Variants in NUDT4 observed in about 807,000 individuals in gnomAD.
NUDT4 encodes nudix hydrolase 4, also known as diphosphoinositol polyphosphate phosphohydrolase 2.
A neutral mutation model predicts 23.1 loss-of-function variants in NUDT4; 5 were observed. That is an observed-to-expected ratio of 0.22 (90% CI 0.11 to 0.46). The LOEUF (loss-of-function observed/expected upper bound fraction) is 0.46. Ranked by LOEUF, NUDT4 falls within the 20% of genes least tolerant of loss-of-function variation. NUDT4 has a pLI of 0.99. For synonymous variants in NUDT4, 50 were observed against 79.0 expected (o/e 0.63, Z 1.95); for missense variants, 96 against 211.6 (o/e 0.45, Z 3.39).
intron 1 of NUDT4, among the ~76,000 whole-genome samples, chr12:93,385,941 TTATATA>T (rs371683658): frequency 0.11 from 11,621 of 104,566 alleles, 753 homozygotes; most frequent in African/African-American, 0.14. Context: ...GTAAATCTTT[TTATATA>T]TATATATATA....
At chr12:93,391,077 T>G (rs1876462691) in intron 1 of NUDT4, among the ~76,000 whole-genome samples, 1 of 151,998 alleles carries the variant, frequency 6.6e-6, no homozygotes, top group South Asian at 2.1e-4. Flanking sequence ...TGAGAACTCT[T>G]AAAGGCCAGC....
chr12:93,392,822 G>A (rs1423266917), intron 1 of NUDT4, among the ~76,000 whole-genome samples: 1 of 130,264 alleles, frequency 7.7e-6, no homozygotes, highest in Non-Finnish European at 1.6e-5. Flanking sequence ...GGGATTACAG[G>A]CATGCACCAC....
intron 1 of NUDT4, among the ~76,000 whole-genome samples, chr12:93,393,784 AATC>A (rs2120939561): frequency 6.6e-6 from 1 of 152,322 alleles, no homozygotes; most frequent in Non-Finnish European, 1.5e-5. Context: ...CTTGCCACCT[AATC>A]ATAACAGTAA....
chr12:93,399,086 A>T (rs1480646900), intron 4 of NUDT4, 91 bp from the exon 5 acceptor site: 1 of 897,494 alleles, frequency 1.1e-6, no homozygotes, highest in Non-Finnish European at 1.8e-6. Flanking sequence ...ATTGTTGTCT[A>T]AGTCATTTAT....
At chr12:93,379,826 A>G (rs1446822295) in intron 1 of NUDT4, among the ~76,000 whole-genome samples, 2 of 152,244 alleles carry the variant, frequency 1.3e-5, no homozygotes, top group African/African-American at 4.8e-5. Context: ...GAAAGGGGCC[A>G]TGTTGAGGCA....
In NUDT4 at chr12:93,405,612, GA is replaced by G. The variant is rs1460592287; in HGVS notation, c.*6234del. The G allele has an allele frequency of 2.6e-5, 4 of 152,210 alleles. No individual in the cohort carries two copies. Among genetic ancestry groups the G allele is most frequent in the African/African-American group, 4.8e-5 (2 of 41,438 alleles). 9.4% of individuals were successfully genotyped at this position (152,210 alleles called of 1,614,324 possible). ...TAAAGCCAACTCTTGGAATATACCT[GA>G]CTTCCACGATAAAATGGAGATGAGT... is the stretch of plus-strand genomic sequence containing the variant. On this transcript the variant is annotated 3_prime_UTR_variant, in exon 5 of 5. Transcript: ENST00000415493.
intron 1 of NUDT4, among the ~76,000 whole-genome samples, chr12:93,390,171 T>G (rs976046180): frequency 2.6e-5 from 4 of 152,198 alleles, no homozygotes; most frequent in Non-Finnish European, 5.9e-5. Flanking sequence ...TTATGTCCCA[T>G]TATTAACGTA....
chr12:93,388,764 A>T (rs1027463982), intron 1 of NUDT4, among the ~76,000 whole-genome samples: 7 of 152,250 alleles, frequency 4.6e-5, no homozygotes, highest in African/African-American at 1.4e-4. Context: ...TCTGAAAAGG[A>T]TATACCATTA....
chr12:93,393,422 A>C (rs1876704457), intron 1 of NUDT4, among the ~76,000 whole-genome samples: 1 of 152,062 alleles, frequency 6.6e-6, no homozygotes. Flanking sequence ...TCTTAATGCT[A>C]TTCTTGGTAA....
At chr12:93,385,914 T>TTATA (rs71952346) in intron 1 of NUDT4, among the ~76,000 whole-genome samples, 5 of 131,702 alleles carry the variant, frequency 3.8e-5, no homozygotes, top group South Asian at 2.4e-4. Flanking sequence ...TGTATAGATT[T>TTATA]TATATATATA....
At position 93,378,299 on chromosome 12, in the gene NUDT4, C is replaced by G. The variant is rs370319394; in HGVS notation, c.-24C>G. On this transcript the variant is annotated 5_prime_UTR_variant, in exon 1 of 5. Coordinates refer to ENST00000415493, the MANE Select transcript of NUDT4 (RefSeq NM_019094.6). Reference sequence around the variant, plus strand: ...CCCACGGCGGCGGCCGGAGCAGCAGCAGCAGCAGCAGGAGCCCGCCTCTAT... The same window carrying G: ...CCCACGGCGGCGGCCGGAGCAGCAGGAGCAGCAGCAGGAGCCCGCCTCTAT... The G allele has an allele frequency of 1.2e-3, 1,420 of 1,147,970 alleles. 1 individual carries two copies. The African/African-American group carries it at 0.02, about 16-fold the overall frequency. The allele number at this position is 1,147,970 out of a possible 1,614,324, so 71.1% of individuals were successfully genotyped here. A position where few individuals can be genotyped will look rare whatever the true frequency, so the allele number is the denominator to read the frequency against.
intron 1 of NUDT4, among the ~76,000 whole-genome samples, chr12:93,379,393 A>C (rs751462163): frequency 3.3e-5 from 5 of 152,210 alleles, no homozygotes; most frequent in Non-Finnish European, 7.3e-5. Context: ...TAACATTCTG[A>C]GTTCTGCTTT....
At chr12:93,396,574 A>C (rs1353926710) in intron 3 of NUDT4, among the ~76,000 whole-genome samples, 4 of 152,176 alleles carry the variant, frequency 2.6e-5, no homozygotes, top group Admixed American at 2.6e-4. Context: ...CCGATTTTGT[A>C]GCACTTGGTA....
At chr12:93,394,795 C>T (rs931818074) in intron 2 of NUDT4, 76 bp downstream of exon 2, 31 of 842,742 alleles carry the variant, frequency 3.7e-5, no homozygotes, top group Non-Finnish European at 6.0e-5. Context: ...ACTAAGACAG[C>T]GAGACGGGTC....
chr12:93,392,342 G>A (rs1453621377), intron 1 of NUDT4, among the ~76,000 whole-genome samples: 2 of 139,656 alleles, frequency 1.4e-5, no homozygotes, highest in African/African-American at 5.4e-5. Context: ...TGCAACCTCC[G>A]CCTCCCAGGT....
chr12:93,377,973 T>C lies in NUDT4; in HGVS notation c.-350T>C, dbSNP rs1240937097. ...GTGGGAGCGGGTCTTCGCAACTGTC[T>C]CCGCGTGGCGCGCGCCTCTAGCCGC... On this transcript the variant is annotated 5_prime_UTR_variant, in exon 1 of 5. Coordinates refer to ENST00000415493, the MANE Select transcript of NUDT4 (RefSeq NM_019094.6). 1 of 239,686 alleles carries C rather than the reference T, an allele frequency of 4.2e-6. No homozygotes were observed. Among genetic ancestry groups the C allele is most frequent in the Non-Finnish European group, 8.3e-6 (1 of 120,322 alleles). The allele number at this position is 239,686 out of a possible 1,614,324, so 14.8% of individuals were successfully genotyped here. A position where few individuals can be genotyped will look rare whatever the true frequency, so the allele number is the denominator to read the frequency against.
chr12:93,378,468 A>G (rs1875370141), intron 1 of NUDT4, 47 bp downstream of exon 1: 2 of 1,493,426 alleles, frequency 1.3e-6, no homozygotes, highest in Non-Finnish European at 9.0e-7. Context: ...GCCGGGGTCT[A>G]GGGCCCGGGT....
At chr12:93,398,474 GC>G (rs1160037553) in intron 3 of NUDT4, among the ~76,000 whole-genome samples, 1 of 152,108 alleles carries the variant, frequency 6.6e-6, no homozygotes, top group Admixed American at 6.6e-5. Flanking sequence ...TCCCTTGAGG[GC>G]AGGAGTGGAC....
chr12:93,402,745 GCTCTTGACTTA>G lies in NUDT4; in HGVS notation c.*3371_*3381del, dbSNP rs1435689696. The G allele has an allele frequency of 6.6e-6, 1 of 152,068 alleles. No homozygotes were observed. The highest frequency in any genetic ancestry group is 1.5e-5 in the Non-Finnish European group (1 of 68,014). The allele number at this position is 152,068 out of a possible 1,614,324, so 9.4% of individuals were successfully genotyped here. A position where few individuals can be genotyped will look rare whatever the true frequency, so the allele number is the denominator to read the frequency against. On this transcript the variant is annotated 3_prime_UTR_variant, in exon 5 of 5. Transcript: ENST00000415493. The stretch of plus-strand genomic sequence containing the variant: ...TGTGTCATTATTTTAATGAATGTGA[GCTCTTGACTTA>G]CTCTAGAATTCTAATACAGATACTT...
Sources: gnomAD v4.1 joint callset for allele counts (sites outside exome capture counted in the v4.1 genomes callset) on GRCh38, gnomAD v4.1.1 for gene constraint, MANE v1.5 for transcripts, NCBI Gene and HGNC (gene_info 2026-07-23, HGNC 2026-07-21) for gene names.